CEP170: variants seen among roughly 807,000 people sequenced by gnomAD.
CEP170 encodes centrosomal protein 170, also known as centrosomal protein of 170 kDa.
In CEP170, 21 loss-of-function variants were observed where a neutral mutation model predicts 151.9. The observed-to-expected ratio is 0.14, with a 90% CI of 0.10 to 0.20. The LOEUF is 0.20. Among genes scored for constraint, CEP170 ranks in the 10% least tolerant of loss-of-function variants. The pLI is 1.00. For missense variants in CEP170, 964 were observed against 1,892.9 expected, an observed-to-expected ratio of 0.51 and a Z score of 9.11; for synonymous variants, 356 against 648.8, an observed-to-expected ratio of 0.55 and a Z score of 6.86.
chr1:243,237,453 A>G (rs2064352066), intron 1 of CEP170, among the ~76,000 whole-genome samples: 1 of 152,250 alleles, frequency 6.6e-6, no homozygotes, highest in Non-Finnish European at 1.5e-5. Context: ...AACAAATGAC[A>G]CTATTATTTA....
chr1:243,159,868 A>C (rs1338549456), intron 13 of CEP170, among the ~76,000 whole-genome samples: 1 of 150,278 alleles, frequency 6.7e-6, no homozygotes, highest in African/African-American at 2.5e-5. Flanking sequence ...GGCTCACTGC[A>C]ATCTCCACCT....
At chr1:243,132,386 C>T (rs372554417) in intron 17 of CEP170, among the ~76,000 whole-genome samples, 9 of 151,960 alleles carry the variant, frequency 5.9e-5, no homozygotes, top group Admixed American at 1.3e-4. Context: ...CTATCTTGTA[C>T]GACAGTTGAT....
At chr1:243,148,656 A>G (rs977969557) in intron 14 of CEP170, among the ~76,000 whole-genome samples, 1 of 152,218 alleles carries the variant, frequency 6.6e-6, no homozygotes. Context: ...ACAGTACAAT[A>G]AAGAATAAGA....
chr1:243,177,342 A>G lies in CEP170; in HGVS notation c.1567-4496T>C, dbSNP rs181852128. Among the ~76,000 whole-genome samples the G allele has an allele frequency of 9.5e-4, 144 of 152,368 alleles. 2 individuals carry two copies. Among genetic ancestry groups the G allele is most frequent in the Non-Finnish European group, 1.2e-4 (8 of 68,034 alleles). ...ATATCCAAATCAGTAGGAATTCAGA[A>G]TTCATATTCCCACAGAAATGAAAAA... On this transcript the variant is annotated intron_variant, in intron 10 of 19. Transcript: ENST00000366542.
chr1:243,223,405 A>G (rs1175591814), intron 2 of CEP170, among the ~76,000 whole-genome samples: 1 of 152,234 alleles, frequency 6.6e-6, no homozygotes, highest in African/African-American at 2.4e-5. Flanking sequence ...GAGCCAGAGA[A>G]TGGTGGCTTT....
chr1:243,133,999 C>A (rs1222283422), intron 17 of CEP170, among the ~76,000 whole-genome samples: 1 of 152,016 alleles, frequency 6.6e-6, no homozygotes, highest in Non-Finnish European at 1.5e-5. Flanking sequence ...CCAATTTATA[C>A]CTGAAATTAA....
intron 11 of CEP170, 43 bp downstream of exon 11, chr1:243,172,654 T>G (rs1036115914): frequency 6.9e-7 from 1 of 1,453,882 alleles, no homozygotes; most frequent in Non-Finnish European, 9.1e-7. Flanking sequence ...AAAAAGAATT[T>G]ATACTTTATG....
intron 14 of CEP170, among the ~76,000 whole-genome samples, chr1:243,150,867 G>A (rs1248845477): frequency 6.6e-6 from 1 of 152,112 alleles, no homozygotes; most frequent in East Asian, 1.9e-4. Flanking sequence ...CCATTTTACC[G>A]ATGAGATCAC....
At chr1:243,137,562 G>A (rs2148265958) in intron 16 of CEP170, among the ~76,000 whole-genome samples, 1 of 152,200 alleles carries the variant, frequency 6.6e-6, no homozygotes, top group South Asian at 2.1e-4. Flanking sequence ...GGATCACGAG[G>A]TCAGGAGATC....
intron 1 of CEP170, among the ~76,000 whole-genome samples, chr1:243,252,228 A>G (rs1455782370): frequency 6.6e-6 from 1 of 152,194 alleles, no homozygotes; most frequent in Non-Finnish European, 1.5e-5. Context: ...GCAACTGTAC[A>G]GATACTTTAG....
chr1:243,127,508 C>T (rs1299380885), intron 19 of CEP170, among the ~76,000 whole-genome samples: 1 of 152,168 alleles, frequency 6.6e-6, no homozygotes, highest in Non-Finnish European at 1.5e-5. Context: ...CCCCAGTCTA[C>T]CAGCTAACAA....
intron 14 of CEP170, among the ~76,000 whole-genome samples, chr1:243,154,999 G>T (rs1447870386): frequency 1.3e-5 from 2 of 152,150 alleles, no homozygotes; most frequent in Non-Finnish European, 2.9e-5. Context: ...TGCTAGCAGC[G>T]CCTGGAAGTA....
At chr1:243,171,552 T>C (rs2148613124) in intron 11 of CEP170, among the ~76,000 whole-genome samples, 1 of 152,276 alleles carries the variant, frequency 6.6e-6, no homozygotes, top group Non-Finnish European at 1.5e-5. Flanking sequence ...AGAGACAATA[T>C]AGCATGAGTC....
rs866623965 is a variant in CEP170 at position 243,188,768 on chromosome 1, T to C, written c.1108+2250A>G. On this transcript the variant is annotated intron_variant, in intron 8 of 19. Transcript: ENST00000366542. ...GTTTTGCCTACTTTCAATTCTTTGATCTAAACAGTTGCTGAAAACCTAATT... is the reference window on the plus strand; with the variant it reads ...GTTTTGCCTACTTTCAATTCTTTGACCTAAACAGTTGCTGAAAACCTAATT... Among the ~76,000 whole-genome samples the C allele has an allele frequency of 2.0e-5, 3 of 152,330 alleles. No homozygotes were observed. The Middle Eastern group carries it at 0.01, about 518-fold the overall frequency.
At chr1:243,167,980 GA>G (rs2058560928) in intron 12 of CEP170, among the ~76,000 whole-genome samples, 1 of 151,906 alleles carries the variant, frequency 6.6e-6, no homozygotes, top group Non-Finnish European at 1.5e-5. Flanking sequence ...TGATGACATA[GA>G]AATGAGATCA....
intron 6 of CEP170, among the ~76,000 whole-genome samples, chr1:243,199,947 T>G (rs2060915731): frequency 6.6e-6 from 1 of 151,846 alleles, no homozygotes; most frequent in Non-Finnish European, 1.5e-5. Flanking sequence ...TATTATAAGG[T>G]AAACTACACA....
Position 243,125,580 on chromosome 1 carries a change from C to G in CEP170, c.*869G>C, listed in dbSNP as rs2053632761. 6.5e-6 allele frequency: 1 copy of G among 152,834 alleles called. No individual in the cohort carries two copies. Among genetic ancestry groups the G allele is most frequent in the African/African-American group, 2.4e-5 (1 of 41,204 alleles). The allele number at this position is 152,834 out of a possible 1,614,324, so 9.5% of individuals were successfully genotyped here. A position where few individuals can be genotyped will look rare whatever the true frequency, so the allele number is the denominator to read the frequency against. ...TGTTCTGAGTTTTAAAAATATACTC[C>G]ACCTAAACTATCTGTCTAGTTTAAT... On this transcript the variant is annotated 3_prime_UTR_variant, in exon 20 of 20. Coordinates refer to ENST00000366542, the MANE Select transcript of CEP170 (RefSeq NM_014812.3).
chr1:243,237,766 C>T (rs2064385796), intron 1 of CEP170, among the ~76,000 whole-genome samples: 1 of 151,928 alleles, frequency 6.6e-6, no homozygotes, highest in Admixed American at 6.6e-5. Context: ...TTAGCTGGGC[C>T]TTGTGGCGGG....
At chr1:243,202,423 C>CA (rs1424072755) in intron 4 of CEP170, among the ~76,000 whole-genome samples, 2 of 151,776 alleles carry the variant, frequency 1.3e-5, no homozygotes, top group Non-Finnish European at 2.9e-5. Flanking sequence ...TCCATGTATC[C>CA]AAAAAATCAC....
Sources: gnomAD v4.1 joint callset for allele counts (sites outside exome capture counted in the v4.1 genomes callset) on GRCh38, gnomAD v4.1.1 for gene constraint, MANE v1.5 for transcripts, NCBI Gene and HGNC (gene_info 2026-07-23, HGNC 2026-07-21) for gene names.